SLC26A5: variants seen among roughly 807,000 people sequenced by gnomAD.
SLC26A5 encodes prestin.
A neutral mutation model predicts 81.0 loss-of-function variants in SLC26A5; 51 were observed. The ratio of observed to expected loss-of-function variants is 0.63; its 90% CI spans 0.50 to 0.80. SLC26A5 has a LOEUF of 0.80. Ranked by LOEUF, SLC26A5 falls within the 30% of genes least tolerant of loss-of-function variation. SLC26A5 has a pLI of 0.00. For synonymous variants in SLC26A5, 325 were observed against 332.8 expected (o/e 0.98, Z 0.25); for missense variants, 771 against 905.8 (o/e 0.85, Z 1.91).
At chr7:103,364,229 G>T (rs750692030) in intron 19 of SLC26A5, 1 of 1,614,062 alleles carries the variant, frequency 6.2e-7, no homozygotes, top group Admixed American at 1.7e-5. Context: ...CACTCTGTGC[G>T]CGGGCAGTTG....
chr7:103,445,063 G>GA (rs963734127), intron 1 of SLC26A5: 2 of 152,140 alleles, frequency 1.3e-5, no homozygotes, highest in African/African-American at 2.4e-5. Context: ...TTTCAGATAG[G>GA]AAAAAGCTAA....
downstream of SLC26A5, among the ~76,000 whole-genome samples, chr7:103,371,772 T>G (rs993056718): frequency 3.3e-5 from 5 of 150,168 alleles, no homozygotes; most frequent in African/African-American, 1.2e-4. Flanking sequence ...CTCGGCTCAC[T>G]GCAACCTCCG....
At position 103,380,500 on chromosome 7, in the gene SLC26A5, CAAT is replaced by C. The variant is rs1239118124; in HGVS notation, c.1561_1563del (p.Ile521del). On this transcript the variant is annotated inframe_deletion, in exon 15 of 20. Transcript: ENST00000306312. The stretch of plus-strand genomic sequence containing the variant: ...CCTACCTCCTCATATGCGTCTATAT[CAAT>C]ATACACATCAGTTTCAGGAAGCTTT... The C allele has an allele frequency of 6.2e-7, 1 of 1,613,412 alleles. No homozygotes were observed. Among genetic ancestry groups the C allele is most frequent in the Admixed American group, 1.7e-5 (1 of 59,990 alleles).
Position 103,389,046 on chromosome 7 carries a change from C to A in SLC26A5, c.1476G>T (p.Val492=). The stretch of plus-strand genomic sequence containing the variant: ...AAATCACAGTCAGCAGAGCAATGAT[C>A]ACAGCAGTGATCAAACCATAGTCCA... ...LGLDYGLITA[V]IIALLTVIYR... is the part of the protein sequence containing the mutation. The change falls in exon 14 of 20, where the codon GTG becomes GTT. Residue 492 remains valine (V), a synonymous_variant. Transcript: ENST00000306312. 3.1e-6 allele frequency: 5 copies of A among 1,613,724 alleles called. No homozygotes were observed. In the South Asian group the frequency reaches 5.5e-5, roughly 18 times the overall value.
chr7:103,435,376 T>C (rs1826376143), intron 2 of SLC26A5, among the ~76,000 whole-genome samples: 1 of 152,252 alleles, frequency 6.6e-6, no homozygotes, highest in Non-Finnish European at 1.5e-5. Flanking sequence ...AATTTCTTTA[T>C]AAATTAAGGA....
chr7:103,368,824 T>G (rs1210948295), intron 19 of SLC26A5: 1 of 152,210 alleles, frequency 6.6e-6, no homozygotes, highest in Non-Finnish European at 1.5e-5. Context: ...GAAAAGTGAT[T>G]ACTTTCATTT....
At chr7:103,417,829 A>G (rs1586342217) in intron 4 of SLC26A5, among the ~76,000 whole-genome samples, 2 of 152,048 alleles carry the variant, frequency 1.3e-5, no homozygotes, top group Non-Finnish European at 2.9e-5. Context: ...GCTCACTGCA[A>G]CCTCTGTCTC....
intron 2 of SLC26A5, among the ~76,000 whole-genome samples, chr7:103,439,736 G>C (rs777522662): frequency 6.6e-6 from 1 of 152,164 alleles, no homozygotes; most frequent in Non-Finnish European, 1.5e-5. Flanking sequence ...ATTTCACCAT[G>C]TTGGTCAGGC....
chr7:103,354,093 A>C (rs1819887277), intron 19 of SLC26A5: 1 of 679,442 alleles, frequency 1.5e-6, no homozygotes, highest in South Asian at 2.4e-5. Context: ...ATAAAATAAA[A>C]AGAAACAATT....
intron 7 of SLC26A5, among the ~76,000 whole-genome samples, chr7:103,410,079 T>C (rs1300591156): frequency 6.6e-6 from 1 of 152,154 alleles, no homozygotes; most frequent in Non-Finnish European, 1.5e-5. Context: ...TCCAAAAAGA[T>C]CATGATTTAG....
rs1362039196 is a variant in SLC26A5, at chr7:103,382,293, A to C, written c.1515-1744T>G. Among the ~76,000 whole-genome samples the C allele has an allele frequency of 2.6e-5, 4 of 151,722 alleles. No individual in the cohort carries two copies. The East Asian group carries it at 7.7e-4, about 29-fold the overall frequency. ...AAATCTCAAATTAGCATAGATGTTA[A>C]CTTAATTTAGTCTGAATAGATTTTA... On this transcript the variant is annotated intron_variant, in intron 14 of 19. Coordinates refer to ENST00000306312, the MANE Select transcript of SLC26A5 (RefSeq NM_198999.3).
chr7:103,388,946 C>T, intron 14 of SLC26A5, 62 bp downstream of exon 14: 1 of 1,279,806 alleles, frequency 7.8e-7, no homozygotes, highest in African/African-American at 1.5e-5. Context: ...TTGGTCTACA[C>T]CTAAAGTCAA....
At chr7:103,408,378 C>T (rs1240487768) in intron 7 of SLC26A5, among the ~76,000 whole-genome samples, 2 of 152,012 alleles carry the variant, frequency 1.3e-5, no homozygotes, top group Non-Finnish European at 2.9e-5. Context: ...AGGTGCCTGC[C>T]GCCACACCCA....
intron 8 of SLC26A5, among the ~76,000 whole-genome samples, chr7:103,400,343 A>G (rs1823486526): frequency 6.6e-6 from 1 of 152,028 alleles, no homozygotes; most frequent in Non-Finnish European, 1.5e-5. Context: ...TTTTTTCCAT[A>G]TGTTTGTTGG....
intron 5 of SLC26A5, among the ~76,000 whole-genome samples, chr7:103,412,553 G>GTTT (rs565602326): frequency 4.4e-5 from 5 of 114,388 alleles, no homozygotes; most frequent in African/African-American, 1.2e-4. Context: ...TTTTTTTTTT[G>GTTT]TTTTTTTTTT....
At chr7:103,426,745 G>C (rs1331976978) in intron 2 of SLC26A5, among the ~76,000 whole-genome samples, 1 of 152,192 alleles carries the variant, frequency 6.6e-6, no homozygotes, top group East Asian at 1.9e-4. Context: ...AAGCCTCGAA[G>C]GCTATCAATA....
rs1156926479 is a variant in SLC26A5 at position 103,391,677 on chromosome 7, A to G, written c.1178T>C (p.Ile393Thr). 6.2e-7 allele frequency: 1 copy of G among 1,614,178 alleles called. No individual in the cohort carries two copies. Among genetic ancestry groups the G allele is most frequent in the South Asian group, 1.1e-5 (1 of 91,064 alleles). Residue 393 changes from isoleucine (I) to threonine (T), a missense_variant, in exon 11 of 20, where the codon ATT becomes ACT. Coordinates refer to ENST00000306312, the MANE Select transcript of SLC26A5 (RefSeq NM_198999.3). Reference sequence around the variant, plus strand: ...AAGGCTTCGAGACAAGGAGCATGAAATTGAAAAGGTCTGGAAGAGTGAGCC... The same window carrying G: ...AAGGCTTCGAGACAAGGAGCATGAAGTTGAAAAGGTCTGGAAGAGTGAGCC... ...SIGSLFQTFSISCSLSRSLVQ... is the reference protein window; with the variant it reads ...SIGSLFQTFSTSCSLSRSLVQ...
chr7:103,412,038 T>C (rs1217812199), intron 5 of SLC26A5, among the ~76,000 whole-genome samples: 1 of 151,982 alleles, frequency 6.6e-6, no homozygotes, highest in Non-Finnish European at 1.5e-5. Context: ...TTCCTGGGAC[T>C]GCATGGAGAA....
intron 19 of SLC26A5, chr7:103,362,120 T>A (rs990536096): frequency 6.2e-7 from 1 of 1,610,420 alleles, no homozygotes. Context: ...AATACTTTTC[T>A]TTCACTAAGG....
Sources: gnomAD v4.1 joint callset for allele counts (sites outside exome capture counted in the v4.1 genomes callset) on GRCh38, gnomAD v4.1.1 for gene constraint, MANE v1.5 for transcripts, NCBI Gene and HGNC (gene_info 2026-07-23, HGNC 2026-07-21) for gene names.